Variants in RNASEH2B observed in about 807,000 individuals in gnomAD.
RNASEH2B encodes Aicardi-Goutieres syndrome 2 protein.
RNASEH2B carries 36 observed loss-of-function variants against 45.0 expected under a neutral mutation model. That is an observed-to-expected ratio of 0.80 (90% CI 0.61 to 1.06). The LOEUF (loss-of-function observed/expected upper bound fraction) is 1.06, where lower values mean the gene tolerates loss of function less well. RNASEH2B is among the 50% of genes least tolerant of loss of function. The probability of loss-of-function intolerance (pLI) is 0.00; values close to 1 mark genes in which losing one functional copy is unlikely to be tolerated. For synonymous variants in RNASEH2B, 119 were observed against 125.7 expected (o/e 0.95, Z 0.35); for missense variants, 361 against 360.3 (o/e 1.00, Z -0.02).
chr13:50,925,544 T>A (rs1951583067), intron 1 of RNASEH2B, among the ~76,000 whole-genome samples: 1 of 152,192 alleles, frequency 6.6e-6, no homozygotes, highest in African/African-American at 2.4e-5. Flanking sequence ...GTAGGACCAG[T>A]CCAGCAAATA....
rs76892025 is a variant in RNASEH2B, at chr13:50,926,281, G to A, written c.65-1126G>A. Among the ~76,000 whole-genome samples, 66 of 152,258 alleles carry A rather than the reference G, an allele frequency of 4.3e-4. No individual in the cohort carries two copies. In the East Asian group the frequency reaches 0.011, roughly 24 times the overall value. On this transcript the variant is annotated intron_variant, in intron 1 of 10. Coordinates refer to ENST00000336617, the MANE Select transcript of RNASEH2B (RefSeq NM_024570.4). The stretch of plus-strand genomic sequence containing the variant: ...CTATTTAAGCTTATGAAGATCTGAA[G>A]TAGAGTAAAGGGAGTGGGGGCCATA...
intron 2 of RNASEH2B, 164 bp from the exon 3 acceptor site, chr13:50,929,311 T>C (rs1460262788): frequency 1.6e-6 from 1 of 634,072 alleles, no homozygotes; most frequent in African/African-American, 1.8e-5. Context: ...CTATGTATAA[T>C]AGCTGTAAGC....
chr13:50,927,574 C>G (rs1315796612), intron 2 of RNASEH2B, 96 bp downstream of exon 2: 2 of 830,612 alleles, frequency 2.4e-6, no homozygotes, highest in Non-Finnish European at 4.2e-6. Flanking sequence ...TTCTGAATAG[C>G]TTTTAAAGTT....
chr13:50,915,529 G>A, intron 1 of RNASEH2B: 2 of 398,546 alleles, frequency 5.0e-6, no homozygotes. Flanking sequence ...ATTCATTTAA[G>A]TGCCATTTTT....
chr13:50,952,367 C>A (rs1951986491), intron 9 of RNASEH2B: 5 of 152,132 alleles, frequency 3.3e-5, no homozygotes, highest in Admixed American at 3.3e-4. Flanking sequence ...ATGTGCATCA[C>A]CTAAACACCC....
intron 9 of RNASEH2B, among the ~76,000 whole-genome samples, chr13:50,968,395 G>C (rs1466149947): frequency 1.3e-5 from 2 of 152,008 alleles, no homozygotes; most frequent in Non-Finnish European, 2.9e-5. Context: ...GCAAGACCCT[G>C]TCTCTTAAAA....
At chr13:50,940,635 A>C (rs1951822955) in intron 5 of RNASEH2B, among the ~76,000 whole-genome samples, 1 of 152,066 alleles carries the variant, frequency 6.6e-6, no homozygotes, top group Non-Finnish European at 1.5e-5. Flanking sequence ...GTGGTGTAGG[A>C]GGAAGATGAA....
chr13:50,948,005 C>G lies in RNASEH2B; in HGVS notation c.635C>G (p.Ala212Gly). Residue 212 changes from alanine (A) to glycine (G), a missense_variant, in exon 8 of 11, where the codon GCC becomes GGC. Coordinates refer to ENST00000336617, the MANE Select transcript of RNASEH2B (RefSeq NM_024570.4). ...CTTTCAGAGGATTATATTCGTTATG[C>G]CCATGGTCTGATATCTGACTACATC... ...TDKEEDYIRY[A>G]HGLISDYIPK... is the part of the protein sequence containing the mutation. The G allele has an allele frequency of 2.5e-6, 4 of 1,610,654 alleles. No individual in the cohort carries two copies. Among genetic ancestry groups the G allele is most frequent in the Non-Finnish European group, 3.4e-6 (4 of 1,179,134 alleles).
At chr13:50,966,029 A>T (rs545533844) in intron 9 of RNASEH2B, among the ~76,000 whole-genome samples, 9 of 152,334 alleles carry the variant, frequency 5.9e-5, no homozygotes, top group Middle Eastern at 3.4e-3. Context: ...TGCCAAGTTG[A>T]AGATCTCACT....
In RNASEH2B at chr13:50,910,053, G is replaced by A. The variant is rs1350316744; in HGVS notation, c.-24G>A. 4.1e-6 allele frequency: 6 copies of A among 1,464,646 alleles called. No homozygotes were observed. The highest frequency in any genetic ancestry group is 1.3e-5 in the South Asian group (1 of 75,308). The allele number at this position is 1,464,646 out of a possible 1,614,324, so 90.7% of individuals were successfully genotyped here. A position where few individuals can be genotyped will look rare whatever the true frequency, so the allele number is the denominator to read the frequency against. ...CTGAGGCCCGCGGCGCTGAGCCTGC[G>A]GCGCCCCGGAAGAGGCGGGCGGCAT... On this transcript the variant is annotated 5_prime_UTR_variant, in exon 1 of 11. Coordinates refer to ENST00000336617, the MANE Select transcript of RNASEH2B (RefSeq NM_024570.4).
intron 9 of RNASEH2B, 55 bp from the exon 10 acceptor site, chr13:50,953,850 A>T: frequency 8.4e-7 from 1 of 1,185,332 alleles, no homozygotes; most frequent in Admixed American, 1.7e-5. Context: ...TTTTTAATGG[A>T]TTGATGTTGT....
downstream of RNASEH2B, among the ~76,000 whole-genome samples, chr13:50,958,767 C>G (rs1356120453): frequency 6.6e-6 from 1 of 151,980 alleles, no homozygotes; most frequent in Non-Finnish European, 1.5e-5. Context: ...AACCATGATC[C>G]TGTTTGGACA....
At chr13:50,913,133 C>G (rs1349213677) in intron 1 of RNASEH2B, 1 of 152,154 alleles carries the variant, frequency 6.6e-6, no homozygotes, top group African/African-American at 2.4e-5. Context: ...TTCAGCAAGG[C>G]AAGCATTTCT....
intron 7 of RNASEH2B, 60 bp downstream of exon 7, chr13:50,945,592 T>A: frequency 9.2e-7 from 1 of 1,085,982 alleles, no homozygotes; most frequent in Middle Eastern, 2.0e-4. Flanking sequence ...TATGTGTAAA[T>A]GCCTATCTTA....
chr13:50,934,355 A>G (rs573555617), intron 4 of RNASEH2B: 1 of 156,676 alleles, frequency 6.4e-6, no homozygotes, highest in Admixed American at 6.1e-5. Context: ...ATTCTGGTCT[A>G]AATTTGGAAG....
At chr13:50,926,847 C>G (rs1337203038) in intron 1 of RNASEH2B, among the ~76,000 whole-genome samples, 1 of 128,038 alleles carries the variant, frequency 7.8e-6, no homozygotes, top group Admixed American at 7.5e-5. Context: ...AAAAAAAAGC[C>G]AAATATCCCA....
chr13:50,910,207 G>C, intron 1 of RNASEH2B, 67 bp downstream of exon 1: 1 of 1,183,570 alleles, frequency 8.4e-7, no homozygotes, highest in Non-Finnish European at 1.1e-6. Context: ...GACCCCGGGC[G>C]CGCCGCCCCC....
At chr13:50,954,127 A>G in intron 10 of RNASEH2B, 142 bp downstream of exon 10, 1 of 702,160 alleles carries the variant, frequency 1.4e-6, no homozygotes, top group Non-Finnish European at 2.6e-6. Flanking sequence ...TGACTTAATA[A>G]TTAAGAATTG....
chr13:50,947,899 G>A (rs1462568402), intron 7 of RNASEH2B, 88 bp from the exon 8 acceptor site: 1 of 1,588,290 alleles, frequency 6.3e-7, no homozygotes, highest in East Asian at 2.2e-5. Context: ...GATAGGGTCA[G>A]AATTTGAATT....
Sources: allele counts gnomAD v4.1 joint callset (sites outside exome capture counted in the v4.1 genomes callset), GRCh38; gene constraint gnomAD v4.1.1; transcripts MANE v1.5; gene names NCBI Gene and HGNC (gene_info 2026-07-23, HGNC 2026-07-21).